The following WEE2 variants were observed in gnomAD, a reference collection of about 807,000 sequenced individuals.
WEE2 encodes WEE2 oocyte meiosis inhibiting kinase, also known as wee1-like protein kinase 2.
In WEE2, 50 loss-of-function variants were observed where a neutral mutation model predicts 60.1. That is an observed-to-expected ratio of 0.83 (90% CI 0.66 to 1.05). The LOEUF is 1.05. Ranked by LOEUF, WEE2 falls within the 50% of genes least tolerant of loss-of-function variation. The pLI is 0.00. For synonymous variants in WEE2, 240 were observed against 241.0 expected (o/e 1.00, Z 0.04); for missense variants, 631 against 684.3 (o/e 0.92, Z 0.87).
intron 4 of WEE2, among the ~76,000 whole-genome samples, chr7:141,720,268 G>A (rs988693439): frequency 2.1e-5 from 3 of 144,108 alleles, no homozygotes; most frequent in African/African-American, 7.7e-5. Flanking sequence ...TGATTCTCCT[G>A]CCTTAGCCTC....
intron 1 of WEE2, 110 bp downstream of exon 1, chr7:141,709,210 T>TAATTGAGG: frequency 1.3e-6 from 1 of 763,812 alleles, no homozygotes; most frequent in Non-Finnish European, 2.2e-6. Flanking sequence ...CCAGGCTGTG[T>TAATTGAGG]ATATCCTCAA....
chr7:141,719,296 T>A, intron 4 of WEE2, 52 bp downstream of exon 4: 1 of 1,487,954 alleles, frequency 6.7e-7, no homozygotes, highest in African/African-American at 1.4e-5. Flanking sequence ...TGGAGAGTTG[T>A]TTCTTGTCAA....
rs200557490 is a variant in WEE2, at chr7:141,729,680, A to C, written c.1678+7A>C. On this transcript the variant is annotated splice_region_variant and intron_variant, in intron 11 of 11. Transcript: ENST00000397541. The stretch of plus-strand genomic sequence containing the variant: ...AGGTCTTCAAGCTTTACCTGTGAGT[A>C]ATCTTCCCCTTAAGAACTCATTTTG... 1.2e-4 allele frequency: 188 copies of C among 1,606,602 alleles called. No homozygotes were observed. The highest frequency in any genetic ancestry group is 1.5e-4 in the Non-Finnish European group (180 of 1,177,390).
Position 141,724,852 on chromosome 7 carries a change from T to G in WEE2, c.1222-174T>G, listed in dbSNP as rs904996942. ...TCAGGGCACAGCAGTGTTAATCAGG[T>G]AGATTCGTGTTCTCTCTTCTCTAGA... is the stretch of plus-strand genomic sequence containing the variant. On this transcript the variant is annotated intron_variant, in intron 8 of 11. Transcript: ENST00000397541. Among the ~76,000 whole-genome samples, 94 of 152,226 alleles carry G rather than the reference T, an allele frequency of 6.2e-4. 1 individual carries two copies. The highest frequency in any genetic ancestry group is 2.2e-3 in the African/African-American group (93 of 41,466).
In WEE2 at chr7:141,708,670, A is replaced by T; in HGVS notation, c.-89A>T. ...GCTACCGTCGCGAAACCTGCAGGTT[A>T]AGTTATTTTCTCCTCCCTGCTTCTG... On this transcript the variant is annotated 5_prime_UTR_variant, in exon 1 of 12. Transcript: ENST00000397541. 1 of 1,163,046 alleles carries T rather than the reference A, an allele frequency of 8.6e-7. No individual in the cohort carries two copies. Among genetic ancestry groups the T allele is most frequent in the Non-Finnish European group, 1.2e-6 (1 of 813,282 alleles). 72.0% of individuals were successfully genotyped at this position (1,163,046 alleles called of 1,614,324 possible).
At chr7:141,723,860 T>C (rs1282315197) in intron 6 of WEE2, 81 bp from the exon 7 acceptor site, 11 of 932,188 alleles carry the variant, frequency 1.2e-5, no homozygotes, top group Middle Eastern at 3.2e-4. Context: ...AGAAGCTGAA[T>C]TGTCAAATAC....
Position 141,714,284 on chromosome 7 carries a change from C to T in WEE2, c.418C>T (p.Pro140Ser). 1.9e-6 allele frequency: 3 copies of T among 1,613,952 alleles called. No homozygotes were observed. The highest frequency in any genetic ancestry group is 1.7e-6 in the Non-Finnish European group (2 of 1,179,884). ...SRGPKHLKLT[P>S]APLKDEMTSL... ...AGGCCCTAAGCATTTGAAGCTCACA[C>T]CTGCTCCCCTCAAGGATGAGATGAC... Residue 140 changes from proline (P) to serine (S), a missense_variant, in exon 2 of 12, where the codon CCT becomes TCT. Transcript: ENST00000397541.
At position 141,714,428 on chromosome 7, in the gene WEE2, C is replaced by G. The variant is rs772073471; in HGVS notation, c.539+23C>G. On this transcript the variant is annotated intron_variant, in intron 2 of 11. Coordinates refer to ENST00000397541, the MANE Select transcript of WEE2 (RefSeq NM_001105558.1). Reference sequence around the variant, plus strand: ...TCTGTAAGTGCTCTATTACTTATGACTTTTGAGAACTGACCCTACTACAGT... The same window carrying G: ...TCTGTAAGTGCTCTATTACTTATGAGTTTTGAGAACTGACCCTACTACAGT... 7 of 1,558,340 alleles carry G rather than the reference C, an allele frequency of 4.5e-6. No individual in the cohort carries two copies. In the East Asian group the frequency reaches 1.6e-4, roughly 35 times the overall value.
rs757985015 is a variant in WEE2, at chr7:141,725,208, T to C, written c.1392+12T>C. 22 of 1,607,568 alleles carry C rather than the reference T, an allele frequency of 1.4e-5. No individual in the cohort carries two copies. The highest frequency in any genetic ancestry group is 1.9e-5 in the Non-Finnish European group (22 of 1,177,538). On this transcript the variant is annotated intron_variant, in intron 9 of 11. Transcript: ENST00000397541. ...CCAGTCTGCTCAAGGTGATAGCTCT[T>C]ACGAGATGAACAGAAGATGCAATAT...
chr7:141,727,300 T>G lies in WEE2; in HGVS notation c.1393-4T>G. The G allele has an allele frequency of 6.2e-7, 1 of 1,613,176 alleles. No individual in the cohort carries two copies. The highest frequency in any genetic ancestry group is 2.2e-5 in the East Asian group (1 of 44,882). On this transcript the variant is annotated splice_polypyrimidine_tract_variant and splice_region_variant and intron_variant, in intron 9 of 11. Transcript: ENST00000397541. ...TTTCTTTCCTCTTGGTCCTATATCA[T>G]CAGAACATGATCCAACCTGATGCCG...
intron 4 of WEE2, 116 bp downstream of exon 4, chr7:141,719,360 C>T: frequency 1.0e-6 from 1 of 984,904 alleles, no homozygotes; most frequent in South Asian, 1.9e-5. Flanking sequence ...GTTTTAAAAT[C>T]ACCCCACATT....
chr7:141,719,677 T>C (rs1231638653), intron 4 of WEE2, among the ~76,000 whole-genome samples: 1 of 152,102 alleles, frequency 6.6e-6, no homozygotes, highest in Non-Finnish European at 1.5e-5. Context: ...TCTTGATCTC[T>C]TGACCTTGTG....
At chr7:141,726,495 T>A (rs1485391616) in intron 9 of WEE2, among the ~76,000 whole-genome samples, 1 of 152,210 alleles carries the variant, frequency 6.6e-6, no homozygotes, top group Non-Finnish European at 1.5e-5. Flanking sequence ...CTTCCTGACT[T>A]CTTTTGCTTT....
At chr7:141,725,676 T>C (rs917934278) in intron 9 of WEE2, among the ~76,000 whole-genome samples, 4 of 151,774 alleles carry the variant, frequency 2.6e-5, no homozygotes, top group Admixed American at 2.6e-4. Flanking sequence ...ATCGAGAATT[T>C]CTTAAGGAAA....
chr7:141,730,330 A>G lies in WEE2; in HGVS notation c.*10A>G, dbSNP rs1799116535. Reference sequence around the variant, plus strand: ...TGAGCCTCTGCATTAAAGGAAGAAAAGGAAAACAGCCCTTGGTTTGGCCTA... The same window carrying G: ...TGAGCCTCTGCATTAAAGGAAGAAAGGGAAAACAGCCCTTGGTTTGGCCTA... On this transcript the variant is annotated 3_prime_UTR_variant, in exon 12 of 12. Coordinates refer to ENST00000397541, the MANE Select transcript of WEE2 (RefSeq NM_001105558.1). The G allele has an allele frequency of 1.2e-6, 2 of 1,612,818 alleles. No homozygotes were observed. The highest frequency in any genetic ancestry group is 4.5e-5 in the East Asian group (2 of 44,832).
intron 4 of WEE2, among the ~76,000 whole-genome samples, chr7:141,719,518 T>C (rs1465339299): frequency 6.6e-6 from 1 of 152,208 alleles, no homozygotes; most frequent in Non-Finnish European, 1.5e-5. Flanking sequence ...TGGTGTGATC[T>C]TGGCTCACTG....
rs971176904 is a variant in WEE2, at chr7:141,726,179, T to C, written c.1392+983T>C. Among the ~76,000 whole-genome samples, 8 of 152,234 alleles carry C rather than the reference T, an allele frequency of 5.3e-5. No individual in the cohort carries two copies. The East Asian group carries it at 1.5e-3, about 29-fold the overall frequency. ...TTAATCATGTCAAGAAAAGTGTATA[T>C]ATGACTTTAAATCATGTCTTAAGGA... On this transcript the variant is annotated intron_variant, in intron 9 of 11. Transcript: ENST00000397541.
chr7:141,716,772 T>C (rs1269520520), intron 3 of WEE2, among the ~76,000 whole-genome samples: 2 of 152,144 alleles, frequency 1.3e-5, no homozygotes, highest in Non-Finnish European at 2.9e-5. Context: ...AAAATTAAGA[T>C]ATTTTTGGTC....
At position 141,714,268 on chromosome 7, in the gene WEE2, G is replaced by A. The variant is rs781615743; in HGVS notation, c.402G>A (p.Lys134=). ...GGAAGCTTCCTTCCAGAGGCCCTAA[G>A]CATTTGAAGCTCACACCTGCTCCCC... ...PTGKLPSRGP[K]HLKLTPAPLK... is the part of the protein sequence containing the mutation. Residue 134 remains lysine, a synonymous_variant, in exon 2 of 12, where the codon AAG becomes AAA. Coordinates refer to ENST00000397541, the MANE Select transcript of WEE2 (RefSeq NM_001105558.1). 27 of 1,613,738 alleles carry A rather than the reference G, an allele frequency of 1.7e-5. No homozygotes were observed. The Middle Eastern group carries it at 2.0e-3, about 118-fold the overall frequency.
Sources: gnomAD v4.1 joint callset for allele counts (sites outside exome capture counted in the v4.1 genomes callset) on GRCh38, gnomAD v4.1.1 for gene constraint, MANE v1.5 for transcripts, NCBI Gene and HGNC (gene_info 2026-07-23, HGNC 2026-07-21) for gene names.